CNTNAP2: variants seen among roughly 807,000 people sequenced by gnomAD.
CNTNAP2 encodes the protein contactin-associated protein-like 2.
In CNTNAP2, 98 loss-of-function variants were observed where a neutral mutation model predicts 155.2. That is an observed-to-expected ratio of 0.63 (90% CI 0.54 to 0.75). CNTNAP2 has a LOEUF of 0.75. CNTNAP2 is among the 30% of genes least tolerant of loss of function. The pLI is 0.00. For missense variants in CNTNAP2, 1,727 were observed against 1,688.1 expected (o/e 1.02, Z -0.40); for synonymous variants, 651 against 631.2 (o/e 1.03, Z -0.47).
intron 5 of CNTNAP2, among the ~76,000 whole-genome samples, chr7:147,116,424 G>T (rs1236119606): frequency 6.6e-6 from 1 of 151,804 alleles, no homozygotes; most frequent in African/African-American, 2.4e-5. Context: ...TGGACTAGCT[G>T]AGAAGCCTGA....
At chr7:146,774,185 T>A (rs1802346457) in intron 1 of CNTNAP2, 86 bp from the exon 2 acceptor site, 1 of 907,900 alleles carries the variant, frequency 1.1e-6, no homozygotes. Context: ...CATATCAGAT[T>A]CAATGATTTT....
At chr7:146,264,832 C>T (rs1356177167) in intron 1 of CNTNAP2, among the ~76,000 whole-genome samples, 2 of 152,174 alleles carry the variant, frequency 1.3e-5, no homozygotes, top group African/African-American at 4.8e-5. Context: ...AGGGGGATCG[C>T]AGCCTATGAT....
intron 13 of CNTNAP2, among the ~76,000 whole-genome samples, chr7:147,858,184 T>C (rs1377374234): frequency 6.6e-6 from 1 of 152,168 alleles, no homozygotes; most frequent in Non-Finnish European, 1.5e-5. Flanking sequence ...ACCTCCTGGG[T>C]GCAAGCAATT....
chr7:147,098,820 C>T (rs543796382), intron 4 of CNTNAP2, among the ~76,000 whole-genome samples: 14 of 152,190 alleles, frequency 9.2e-5, no homozygotes, highest in East Asian at 5.8e-4. Context: ...ATTATTGATA[C>T]GATATTTATA....
chr7:147,246,681 A>G (rs6951155), intron 8 of CNTNAP2, among the ~76,000 whole-genome samples: 3,469 of 152,250 alleles, frequency 0.023, 129 homozygotes, highest in African/African-American at 0.079. Flanking sequence ...GAGGTACGCA[A>G]ACATTCAGAT....
chr7:146,632,722 TTAAATA>T (rs1229932901), intron 1 of CNTNAP2, among the ~76,000 whole-genome samples: 3 of 151,992 alleles, frequency 2.0e-5, no homozygotes, highest in African/African-American at 7.2e-5. Context: ...CATAAACTTT[TTAAATA>T]TAATTTAAGA....
At chr7:146,978,369 A>T (rs975570876) in intron 3 of CNTNAP2, among the ~76,000 whole-genome samples, 1 of 152,132 alleles carries the variant, frequency 6.6e-6, no homozygotes, top group Non-Finnish European at 1.5e-5. Flanking sequence ...GCACCAGCTG[A>T]GTATCACCAG....
At chr7:147,079,566 C>T (rs986325903) in intron 4 of CNTNAP2, among the ~76,000 whole-genome samples, 3 of 150,816 alleles carry the variant, frequency 2.0e-5, no homozygotes, top group Non-Finnish European at 4.4e-5. Flanking sequence ...GCATGTTGTG[C>T]ACATGTACCC....
chr7:147,508,169 A>C (rs1798947180), intron 11 of CNTNAP2, among the ~76,000 whole-genome samples: 1 of 152,206 alleles, frequency 6.6e-6, no homozygotes. Flanking sequence ...TAGAAATGTA[A>C]TAAATTATTA....
intron 8 of CNTNAP2, among the ~76,000 whole-genome samples, chr7:147,157,173 A>G (rs1394206768): frequency 6.6e-6 from 1 of 152,050 alleles, no homozygotes; most frequent in East Asian, 1.9e-4. Context: ...GCTCTCCATG[A>G]CACCCTCCAG....
intron 1 of CNTNAP2, among the ~76,000 whole-genome samples, chr7:146,409,767 CT>C (rs1320294819): frequency 6.6e-6 from 1 of 152,110 alleles, no homozygotes; most frequent in Non-Finnish European, 1.5e-5. Context: ...AGCCAAAAAC[CT>C]TTACAAAAAC....
chr7:146,389,152 T>G (rs1214683935), intron 1 of CNTNAP2, among the ~76,000 whole-genome samples: 1 of 152,084 alleles, frequency 6.6e-6, no homozygotes, highest in Non-Finnish European at 1.5e-5. Flanking sequence ...GCTTGACTTA[T>G]TTTCAGACAT....
intron 21 of CNTNAP2, among the ~76,000 whole-genome samples, chr7:148,283,308 G>GA (rs1563024795): frequency 0.06 from 3,728 of 61,682 alleles, 168 homozygotes; most frequent in Middle Eastern, 0.085. Context: ...AGAAAGAAAG[G>GA]AAGGAAGGAA....
chr7:146,779,102 G>T (rs1802438666), intron 2 of CNTNAP2, among the ~76,000 whole-genome samples: 1 of 152,116 alleles, frequency 6.6e-6, no homozygotes, highest in South Asian at 2.1e-4. Flanking sequence ...TCAAGCTCTG[G>T]TTTCACTCAC....
rs143665692 is a variant in CNTNAP2 at position 146,251,992 on chromosome 7, C to T, written c.97+135019C>T. Among the ~76,000 whole-genome samples, 591 of 152,236 alleles carry T rather than the reference C, an allele frequency of 3.9e-3. 2 individuals carry two copies. Among genetic ancestry groups the T allele is most frequent in the African/African-American group, 0.01 (431 of 41,538 alleles). On this transcript the variant is annotated intron_variant, in intron 1 of 23. Coordinates refer to ENST00000361727, the MANE Select transcript of CNTNAP2 (RefSeq NM_014141.6). ...TGCTTTTTGTTCATCTGAGGACTGCCGGGTGAGTTTGGGTTGGCTGGGCTC... is the reference window on the plus strand; with the variant it reads ...TGCTTTTTGTTCATCTGAGGACTGCTGGGTGAGTTTGGGTTGGCTGGGCTC...
chr7:146,177,952 C>G (rs112883995), intron 1 of CNTNAP2, among the ~76,000 whole-genome samples: 150 of 152,314 alleles, frequency 9.8e-4, no homozygotes, highest in African/African-American at 3.4e-3. Flanking sequence ...TTAATCCTTC[C>G]TCTTACCTAT....
intron 9 of CNTNAP2, among the ~76,000 whole-genome samples, chr7:147,361,812 TTTTTTA>T (rs1345553779): frequency 5.3e-5 from 8 of 152,186 alleles, no homozygotes; most frequent in Admixed American, 2.0e-4. Flanking sequence ...GATAGTCACC[TTTTTTA>T]TTTTTAACAA....
chr7:147,651,420 T>C (rs1795448608), intron 13 of CNTNAP2, among the ~76,000 whole-genome samples: 1 of 152,256 alleles, frequency 6.6e-6, no homozygotes, highest in South Asian at 2.1e-4. Flanking sequence ...TTTTTTTGAA[T>C]AACTGGACCC....
intron 3 of CNTNAP2, among the ~76,000 whole-genome samples, chr7:146,840,610 G>A (rs371500690): frequency 3.2e-4 from 48 of 152,208 alleles, no homozygotes; most frequent in African/African-American, 1.1e-3. Flanking sequence ...AAAAGAAGAT[G>A]AGGAGGAGGA....
Sources: allele counts gnomAD v4.1 joint callset (sites outside exome capture counted in the v4.1 genomes callset), GRCh38; gene constraint gnomAD v4.1.1; transcripts MANE v1.5; gene names NCBI Gene and HGNC (gene_info 2026-07-23, HGNC 2026-07-21).